Variants in MALRD1 observed in about 807,000 individuals in gnomAD.
MALRD1 encodes the protein MAM and LDL-receptor class A domain-containing protein 1.
In MALRD1, 247 loss-of-function variants were observed where a neutral mutation model predicts 242.1. The ratio of observed to expected loss-of-function variants is 1.02; its 90% CI spans 0.92 to 1.13. MALRD1 has a LOEUF of 1.13. Ranked by LOEUF, MALRD1 falls within the 50% of genes most tolerant of loss-of-function variation. MALRD1 has a pLI of 0.00. For missense variants in MALRD1, 2,989 were observed against 2,533.1 expected, an observed-to-expected ratio of 1.18 and a Z score of -3.86; for synonymous variants, 995 against 866.6, an observed-to-expected ratio of 1.15 and a Z score of -2.60.
chr10:19,467,211 C>T (rs1291937129), intron 29 of MALRD1, among the ~76,000 whole-genome samples: 3 of 97,640 alleles, frequency 3.1e-5, no homozygotes, highest in Middle Eastern at 4.6e-3. Context: ...AAAAATTAGC[C>T]GGGTGTGGTG....
intron 31 of MALRD1, among the ~76,000 whole-genome samples, chr10:19,530,872 A>C (rs1399761354): frequency 6.6e-6 from 1 of 152,178 alleles, no homozygotes; most frequent in Admixed American, 6.5e-5. Context: ...TATGCACAGC[A>C]TACAAAGTAT....
chr10:19,731,158 A>G (rs1835279980), intron 39 of MALRD1, among the ~76,000 whole-genome samples: 1 of 152,230 alleles, frequency 6.6e-6, no homozygotes, highest in Non-Finnish European at 1.5e-5. Flanking sequence ...CAAAAACAAA[A>G]GAGAGGATAG....
intron 36 of MALRD1, among the ~76,000 whole-genome samples, 171 bp from the exon 37 acceptor site, chr10:19,692,111 A>C (rs577850277): frequency 6.6e-6 from 1 of 152,134 alleles, no homozygotes. Context: ...AAATAATACA[A>C]TTTAATTTTG....
chr10:19,217,783 C>T (rs988381305), intron 18 of MALRD1, among the ~76,000 whole-genome samples: 3 of 152,040 alleles, frequency 2.0e-5, no homozygotes, highest in African/African-American at 7.2e-5. Context: ...GTTGGCCTCC[C>T]AAAGTGCTGG....
intron 10 of MALRD1, among the ~76,000 whole-genome samples, chr10:19,138,357 A>G (rs1833424730): frequency 6.6e-6 from 1 of 151,640 alleles, no homozygotes; most frequent in African/African-American, 2.4e-5. Flanking sequence ...TCTTTCTAAC[A>G]GTTTCTATAA....
chr10:19,642,396 C>A (rs1840430750), intron 36 of MALRD1, among the ~76,000 whole-genome samples: 1 of 152,052 alleles, frequency 6.6e-6, no homozygotes, highest in Non-Finnish European at 1.5e-5. Flanking sequence ...CTAACCAAAG[C>A]AAACAAGAAT....
intron 19 of MALRD1, among the ~76,000 whole-genome samples, chr10:19,275,541 C>T (rs564923202): frequency 3.0e-4 from 46 of 152,130 alleles, no homozygotes; most frequent in East Asian, 2.9e-3. Flanking sequence ...TGGTGGCGGG[C>T]GCCTGTAGTC....
In MALRD1 at chr10:19,641,672, G is replaced by A. The variant is rs115009683; in HGVS notation, c.6137+25749G>A. Reference sequence around the variant, plus strand: ...AAGAACCTTTGTTAGGAAAGAATTAGCATTGTGGCTATGTTTCTCAATTTA... The same window carrying A: ...AAGAACCTTTGTTAGGAAAGAATTAACATTGTGGCTATGTTTCTCAATTTA... On this transcript the variant is annotated intron_variant, in intron 36 of 39. Coordinates refer to ENST00000454679, the MANE Select transcript of MALRD1 (RefSeq NM_001142308.3). Among the ~76,000 whole-genome samples, 711 of 152,220 alleles carry A rather than the reference G, an allele frequency of 4.7e-3. 4 individuals carry two copies. The highest frequency in any genetic ancestry group is 0.016 in the African/African-American group (657 of 41,516).
At chr10:19,449,943 G>A (rs1835228484) in intron 28 of MALRD1, among the ~76,000 whole-genome samples, 1 of 152,174 alleles carries the variant, frequency 6.6e-6, no homozygotes, top group South Asian at 2.1e-4. Flanking sequence ...AGCTCTAACT[G>A]GTGCATGATG....
chr10:19,511,033 G>A (rs1429843101), intron 31 of MALRD1, among the ~76,000 whole-genome samples: 2 of 152,090 alleles, frequency 1.3e-5, no homozygotes, highest in East Asian at 1.9e-4. Flanking sequence ...GAAATGTACT[G>A]GGCAGCCATA....
chr10:19,498,242 A>C lies in MALRD1; in HGVS notation c.5159-243A>C, dbSNP rs147811985. On this transcript the variant is annotated intron_variant, in intron 30 of 39. Coordinates refer to ENST00000454679, the MANE Select transcript of MALRD1 (RefSeq NM_001142308.3). ...TTCATGTGTAGACACAGTTTTAACT[A>C]TCATCTATAAATATTATTCGTCAAT... Among the ~76,000 whole-genome samples, 22 of 152,366 alleles carry C rather than the reference A, an allele frequency of 1.4e-4. No individual in the cohort carries two copies. In the East Asian group the frequency reaches 1.5e-3, roughly 11 times the overall value.
intron 24 of MALRD1, among the ~76,000 whole-genome samples, 185 bp from the exon 25 acceptor site, chr10:19,347,586 G>T (rs1044591822): frequency 1.3e-5 from 2 of 152,136 alleles, no homozygotes; most frequent in East Asian, 3.9e-4. Context: ...TGAACTTACA[G>T]AAGCCACGGA....
At chr10:19,658,884 A>G (rs1045562805) in intron 36 of MALRD1, among the ~76,000 whole-genome samples, 1 of 152,210 alleles carries the variant, frequency 6.6e-6, no homozygotes, top group East Asian at 1.9e-4. Flanking sequence ...TTTTCCTAGA[A>G]GAATGCCATT....
At chr10:19,601,962 GTATA>G (rs1054429361) in intron 34 of MALRD1, among the ~76,000 whole-genome samples, 1 of 151,700 alleles carries the variant, frequency 6.6e-6, no homozygotes, top group African/African-American at 2.4e-5. Context: ...AAAAATTTGT[GTATA>G]TATACACAAA....
At chr10:19,393,880 C>T (rs868075408) in intron 28 of MALRD1, among the ~76,000 whole-genome samples, 1 of 152,148 alleles carries the variant, frequency 6.6e-6, no homozygotes, top group Admixed American at 6.5e-5. Context: ...TGTCTAGCCT[C>T]TACAAGAAAC....
intron 33 of MALRD1, among the ~76,000 whole-genome samples, chr10:19,585,430 A>C (rs573237922): frequency 1.3e-5 from 2 of 151,968 alleles, no homozygotes; most frequent in Non-Finnish European, 2.9e-5. Context: ...GGTGGTGACA[A>C]AATCTCTCAA....
intron 14 of MALRD1, among the ~76,000 whole-genome samples, chr10:19,202,526 A>G (rs1836583418): frequency 6.6e-6 from 1 of 152,192 alleles, no homozygotes; most frequent in Non-Finnish European, 1.5e-5. Flanking sequence ...TTATTACATT[A>G]AAATGCCCTT....
At chr10:19,516,272 A>T (rs116688908) in intron 31 of MALRD1, among the ~76,000 whole-genome samples, 1 of 152,198 alleles carries the variant, frequency 6.6e-6, no homozygotes, top group Non-Finnish European at 1.5e-5. Flanking sequence ...AGGAATATCT[A>T]ATTTATGCAA....
At chr10:19,057,594 G>A (rs186188084) in intron 1 of MALRD1, among the ~76,000 whole-genome samples, 141 of 152,254 alleles carry the variant, frequency 9.3e-4, no homozygotes, top group Non-Finnish European at 1.1e-3. Flanking sequence ...AAATAAATAT[G>A]TAGAGCCTAT....
Sources: gnomAD v4.1 joint callset for allele counts (sites outside exome capture counted in the v4.1 genomes callset) on GRCh38, gnomAD v4.1.1 for gene constraint, MANE v1.5 for transcripts, NCBI Gene and HGNC (gene_info 2026-07-23, HGNC 2026-07-21) for gene names.